The following BICRAL variants were observed in gnomAD, a reference collection of about 807,000 sequenced individuals.
BICRAL encodes the protein BRD4-interacting chromatin-remodeling complex-associated protein-like.
A neutral mutation model predicts 91.8 loss-of-function variants in BICRAL; 8 were observed. That is an observed-to-expected ratio of 0.09 (90% CI 0.05 to 0.16). BICRAL has a LOEUF of 0.16. BICRAL is among the 10% of genes least tolerant of loss of function. The pLI is 1.00. For missense variants in BICRAL, 1,038 were observed against 1,310.9 expected (o/e 0.79, Z 3.21); for synonymous variants, 445 against 491.1 (o/e 0.91, Z 1.24).
intron 1 of BICRAL, among the ~76,000 whole-genome samples, chr6:42,747,777 T>G (rs1762303316): frequency 6.6e-6 from 1 of 151,986 alleles, no homozygotes; most frequent in Non-Finnish European, 1.5e-5. Context: ...TAGGTGAGGC[T>G]TCTGTTTTTG....
intron 1 of BICRAL, among the ~76,000 whole-genome samples, chr6:42,798,401 G>GA (rs1008179685): frequency 3.3e-5 from 5 of 150,224 alleles, no homozygotes; most frequent in Admixed American, 2.0e-4. Context: ...TTTTTAATTA[G>GA]AAAAAAAAAG....
intron 6 of BICRAL, among the ~76,000 whole-genome samples, chr6:42,834,976 A>G (rs1764597006): frequency 6.6e-6 from 1 of 152,148 alleles, no homozygotes; most frequent in Non-Finnish European, 1.5e-5. Context: ...TATACACCCA[A>G]CGCCTATAGG....
chr6:42,791,786 C>T (rs560462202), intron 1 of BICRAL, among the ~76,000 whole-genome samples: 1 of 152,238 alleles, frequency 6.6e-6, no homozygotes, highest in Admixed American at 6.5e-5. Flanking sequence ...TTAGTAAATA[C>T]AGTCATGTGT....
In BICRAL at chr6:42,828,705, A is replaced by G. The variant is rs776239412; in HGVS notation, c.372A>G (p.Ala124=). Residue 124 remains alanine, a synonymous_variant, in exon 6 of 13, where the codon GCA becomes GCG. Transcript: ENST00000314073. ...NITEQTLAEE[A]YLDASIGSSQ... Reference sequence around the variant, plus strand: ...CTGAACAGACATTGGCAGAAGAGGCATATTTGGATGCCAGTATAGGTTCAA... The same window carrying G: ...CTGAACAGACATTGGCAGAAGAGGCGTATTTGGATGCCAGTATAGGTTCAA... The G allele has an allele frequency of 1.1e-5, 17 of 1,614,076 alleles. No homozygotes were observed. The highest frequency in any genetic ancestry group is 3.3e-5 in the Admixed American group (2 of 59,986).
intron 1 of BICRAL, among the ~76,000 whole-genome samples, chr6:42,756,795 G>A (rs1762466021): frequency 2.0e-5 from 3 of 152,008 alleles, no homozygotes; most frequent in Admixed American, 6.6e-5. Context: ...CACATCTGGG[G>A]CCTTGGTGCT....
intron 1 of BICRAL, among the ~76,000 whole-genome samples, chr6:42,805,719 G>A (rs561940693): frequency 4.3e-4 from 66 of 152,044 alleles, no homozygotes; most frequent in South Asian, 1.9e-3. Context: ...GACAAGGAAC[G>A]GGCCAGGTGC....
At chr6:42,754,990 G>A (rs560406705) in intron 1 of BICRAL, among the ~76,000 whole-genome samples, 1 of 152,336 alleles carries the variant, frequency 6.6e-6, no homozygotes, top group South Asian at 2.1e-4. Flanking sequence ...AAGGAAAAGG[G>A]GAGTACAGGT....
exon 1 of BICRAL, chr6:42,746,976 C>G (rs1280071653): frequency 2.0e-5 from 3 of 152,402 alleles, no homozygotes; most frequent in African/African-American, 4.8e-5. Flanking sequence ...TCCCCGAGCT[C>G]GGTCCCGGCC....
intron 5 of BICRAL, among the ~76,000 whole-genome samples, chr6:42,826,267 C>T (rs893036639): frequency 1.0e-4 from 15 of 147,086 alleles, no homozygotes; most frequent in Non-Finnish European, 1.8e-4. Context: ...AAGAGTCTCG[C>T]TCTGTTGCCC....
chr6:42,840,037 A>C (rs529823912), intron 6 of BICRAL, among the ~76,000 whole-genome samples: 20 of 152,296 alleles, frequency 1.3e-4, no homozygotes, highest in African/African-American at 4.6e-4. Context: ...TAATCTATCA[A>C]ACAAAAGTAA....
rs146964585 is a variant in BICRAL, at chr6:42,860,690, C to T, written c.2349+334C>T. 3.3e-5 allele frequency among the ~76,000 whole-genome samples: 5 copies of T among 152,366 alleles called. No individual in the cohort carries two copies. The East Asian group carries it at 9.6e-4, about 29-fold the overall frequency. ...GATCATCTGACCCCTGGTCCACACT[C>T]TGATGCCATCTACCGCCTTTCACCA... On this transcript the variant is annotated intron_variant, in intron 11 of 12. Transcript: ENST00000314073.
chr6:42,771,266 C>T (rs956533093), intron 1 of BICRAL, among the ~76,000 whole-genome samples: 1 of 152,254 alleles, frequency 6.6e-6, no homozygotes, highest in South Asian at 2.1e-4. Context: ...GACCCCTCCC[C>T]CTGCGGGCCG....
intron 1 of BICRAL, among the ~76,000 whole-genome samples, chr6:42,786,955 T>A (rs1186729748): frequency 1.3e-5 from 2 of 152,150 alleles, no homozygotes; most frequent in East Asian, 3.8e-4. Context: ...GATTTAATTC[T>A]AATGGCAATG....
intron 11 of BICRAL, among the ~76,000 whole-genome samples, chr6:42,861,089 G>A (rs1459125824): frequency 6.6e-6 from 1 of 152,078 alleles, no homozygotes; most frequent in Non-Finnish European, 1.5e-5. Context: ...TCATGCCATT[G>A]CACTCCAGTC....
chr6:42,816,830 T>C (rs966659665), intron 2 of BICRAL, among the ~76,000 whole-genome samples: 6 of 151,668 alleles, frequency 4.0e-5, no homozygotes, highest in South Asian at 2.1e-4. Flanking sequence ...CTGGCTAACA[T>C]GGTGAAACCC....
chr6:42,760,143 G>T (rs1762523415), intron 1 of BICRAL, among the ~76,000 whole-genome samples: 1 of 152,050 alleles, frequency 6.6e-6, no homozygotes, highest in African/African-American at 2.4e-5. Context: ...TACTCAGGAG[G>T]CTGAGGCAGG....
intron 5 of BICRAL, among the ~76,000 whole-genome samples, chr6:42,827,923 C>A (rs1764349317): frequency 6.6e-6 from 1 of 151,812 alleles, no homozygotes; most frequent in Non-Finnish European, 1.5e-5. Flanking sequence ...GGCAGTATCT[C>A]AAAAAAATGA....
At chr6:42,766,759 T>G (rs764683681) in intron 1 of BICRAL, among the ~76,000 whole-genome samples, 2 of 151,452 alleles carry the variant, frequency 1.3e-5, no homozygotes, top group Non-Finnish European at 2.9e-5. Context: ...GAATTGATTG[T>G]GCCGGGTGCC....
intron 2 of BICRAL, among the ~76,000 whole-genome samples, chr6:42,820,845 G>A (rs554967253): frequency 6.6e-5 from 10 of 152,178 alleles, no homozygotes; most frequent in Non-Finnish European, 1.5e-4. Flanking sequence ...AAGATCACTG[G>A]CAGATCCCAG....
Sources: gnomAD v4.1 joint callset for allele counts (sites outside exome capture counted in the v4.1 genomes callset) on GRCh38, gnomAD v4.1.1 for gene constraint, MANE v1.5 for transcripts, NCBI Gene and HGNC (gene_info 2026-07-23, HGNC 2026-07-21) for gene names.